Variants in LYSMD2 observed in about 807,000 individuals in gnomAD.
LYSMD2 encodes the protein LysM domain containing 2, also known as lysM and putative peptidoglycan-binding domain-containing protein 2.
In LYSMD2, 6 loss-of-function variants were observed where a neutral mutation model predicts 17.7. The ratio of observed to expected loss-of-function variants is 0.34; its 90% CI spans 0.19 to 0.67. LYSMD2 has a LOEUF of 0.67. LYSMD2 is among the 30% of genes least tolerant of loss of function. LYSMD2 has a pLI of 0.69. For missense variants in LYSMD2, 237 were observed against 286.7 expected (o/e 0.83, Z 1.25); for synonymous variants, 102 against 129.8 (o/e 0.79, Z 1.45).
Position 51,723,164 on chromosome 15 carries a change from G to A in LYSMD2, c.*443C>T, listed in dbSNP as rs1595846340. 6.5e-6 allele frequency: 1 copy of A among 153,886 alleles called. No individual in the cohort carries two copies. Among genetic ancestry groups the A allele is most frequent in the East Asian group, 1.9e-4 (1 of 5,202 alleles). The allele number at this position is 153,886 out of a possible 1,614,324, so 9.5% of individuals were successfully genotyped here. ...GGTTCTTTATATTAATAGAGAATAT[G>A]TAAGACATATCGAAATATATATATA... On this transcript the variant is annotated 3_prime_UTR_variant, in exon 3 of 3. Transcript: ENST00000267838.
At chr15:51,732,091 T>C (rs1236341501) in intron 1 of LYSMD2, among the ~76,000 whole-genome samples, 1 of 152,150 alleles carries the variant, frequency 6.6e-6, no homozygotes, top group Non-Finnish European at 1.5e-5. Flanking sequence ...CCACTGCTGG[T>C]GGAGGGGAGG....
chr15:51,736,080 C>T (rs1329689399), intron 1 of LYSMD2, among the ~76,000 whole-genome samples: 1 of 152,220 alleles, frequency 6.6e-6, no homozygotes, highest in African/African-American at 2.4e-5. Flanking sequence ...AATATCCTTA[C>T]CTCTCATCCA....
At chr15:51,744,084 T>C (rs976757482) in intron 1 of LYSMD2, among the ~76,000 whole-genome samples, 1 of 152,190 alleles carries the variant, frequency 6.6e-6, no homozygotes, top group African/African-American at 2.4e-5. Flanking sequence ...ATGTTATCTA[T>C]GAATAAAGAC....
At chr15:51,750,673 C>T (rs2055694344) in intron 1 of LYSMD2, among the ~76,000 whole-genome samples, 1 of 152,210 alleles carries the variant, frequency 6.6e-6, no homozygotes, top group Non-Finnish European at 1.5e-5. Flanking sequence ...GAAGTTAAAT[C>T]TAGATGCCAT....
At chr15:51,725,247 C>A in intron 1 of LYSMD2, 126 bp from the exon 2 acceptor site, 1 of 601,040 alleles carries the variant, frequency 1.7e-6, no homozygotes, top group East Asian at 3.0e-5. Flanking sequence ...GGATTTGAGA[C>A]TCTTCATTCA....
chr15:51,740,265 G>GT (rs1051692890), upstream of LYSMD2, among the ~76,000 whole-genome samples: 17 of 151,992 alleles, frequency 1.1e-4, no homozygotes, highest in Middle Eastern at 3.4e-3. Context: ...GGCCAGGCCT[G>GT]TTTTTTTGTT....
chr15:51,748,367 T>C (rs1017650355), intron 1 of LYSMD2, among the ~76,000 whole-genome samples: 3 of 150,492 alleles, frequency 2.0e-5, no homozygotes, highest in Non-Finnish European at 4.4e-5. Flanking sequence ...GGGTTCAAAC[T>C]CTCTGATGTT....
intron 1 of LYSMD2, among the ~76,000 whole-genome samples, chr15:51,730,659 C>A (rs2055570735): frequency 1.3e-5 from 2 of 152,172 alleles, no homozygotes; most frequent in Non-Finnish European, 2.9e-5. Flanking sequence ...ATCATCAGTC[C>A]ACCTACCTAA....
At chr15:51,741,426 C>T (rs188557511), upstream of LYSMD2, among the ~76,000 whole-genome samples, 1 of 152,250 alleles carries the variant, frequency 6.6e-6, no homozygotes, top group East Asian at 1.9e-4. Flanking sequence ...ATTTTTATAA[C>T]CTTGGGATAG....
intron 1 of LYSMD2, among the ~76,000 whole-genome samples, chr15:51,744,225 G>A (rs1179347695): frequency 1.3e-5 from 2 of 152,142 alleles, no homozygotes; most frequent in African/African-American, 4.8e-5. Flanking sequence ...TCCAATCTTG[G>A]GGGAAAAGCA....
rs1185627513 is a variant in LYSMD2 at position 51,737,414 on chromosome 15, T to G, written c.209A>C (p.His70Pro). The G allele has an allele frequency of 1.4e-6, 2 of 1,446,354 alleles. No individual in the cohort carries two copies. Among genetic ancestry groups the G allele is most frequent in the South Asian group, 2.7e-5 (2 of 74,816 alleles). The allele number at this position is 1,446,354 out of a possible 1,614,324, so 89.6% of individuals were successfully genotyped here. A position where few individuals can be genotyped will look rare whatever the true frequency, so the allele number is the denominator to read the frequency against. ...APLGAGVIER[H>P]VEHRVRAGDT... ...GCCCGCGCGGACCCGGTGCTCCACA[T>G]GGCGCTCGATGACGCCGGCGCCCAG... The change falls in exon 1 of 3, where the codon CAT becomes CCT. Residue 70 changes from histidine to proline, a missense_variant. Physicochemically the swap from His to Pro is moderately conservative, Grantham distance 77. Transcript: ENST00000267838. The surrounding 1 kb of genome is among the most constrained non-coding windows in gnomAD (Gnocchi z 4.2).
intron 1 of LYSMD2, among the ~76,000 whole-genome samples, chr15:51,748,575 G>C (rs1481050992): frequency 6.6e-6 from 1 of 152,144 alleles, no homozygotes; most frequent in Non-Finnish European, 1.5e-5. Context: ...TCAACAATAA[G>C]GTTATTTATT....
upstream of LYSMD2, among the ~76,000 whole-genome samples, chr15:51,741,259 G>A (rs1007186451): frequency 1.2e-4 from 19 of 152,178 alleles, no homozygotes; most frequent in African/African-American, 2.4e-4. Context: ...TATAGCAGAC[G>A]TAAAGTTACA....
chr15:51,748,008 C>G (rs1424606750), intron 1 of LYSMD2, among the ~76,000 whole-genome samples: 1 of 152,074 alleles, frequency 6.6e-6, no homozygotes, highest in Non-Finnish European at 1.5e-5. Flanking sequence ...CCCGGTGGCT[C>G]ACGCCTGTGA....
intron 1 of LYSMD2, among the ~76,000 whole-genome samples, chr15:51,743,567 A>C (rs1181217254): frequency 6.6e-6 from 1 of 152,168 alleles, no homozygotes; most frequent in African/African-American, 2.4e-5. Context: ...AAGTCCTCTG[A>C]CTTTGTTCTT....
chr15:51,726,173 A>G (rs2055538920), intron 1 of LYSMD2, among the ~76,000 whole-genome samples: 1 of 152,230 alleles, frequency 6.6e-6, no homozygotes. Flanking sequence ...ATTTTTAAAA[A>G]GGATGGTCTT....
chr15:51,735,051 G>A (rs929300089), intron 1 of LYSMD2, among the ~76,000 whole-genome samples: 1 of 152,050 alleles, frequency 6.6e-6, no homozygotes, highest in Non-Finnish European at 1.5e-5. Flanking sequence ...GCTTGAGCCT[G>A]TAGTCCCAAC....
chr15:51,741,872 A>T (rs538531272), upstream of LYSMD2, among the ~76,000 whole-genome samples: 1 of 151,980 alleles, frequency 6.6e-6, no homozygotes, highest in South Asian at 2.1e-4. Flanking sequence ...GTGACCCGAG[A>T]TAGCAACACT....
At chr15:51,751,116 G>A (rs1423241495) in intron 1 of LYSMD2, among the ~76,000 whole-genome samples, 1 of 152,214 alleles carries the variant, frequency 6.6e-6, no homozygotes, top group Non-Finnish European at 1.5e-5. Context: ...AGCCGCCACT[G>A]CGCTTGGGCT....
Sources: allele counts gnomAD v4.1 joint callset (sites outside exome capture counted in the v4.1 genomes callset), GRCh38; gene constraint gnomAD v4.1.1; non-coding constraint Gnocchi (gnomAD v3.1); transcripts MANE v1.5; gene names NCBI Gene and HGNC (gene_info 2026-07-23, HGNC 2026-07-21).